Variants in KCNMA1 observed in about 807,000 individuals in gnomAD.
KCNMA1 encodes the protein potassium calcium-activated channel subfamily M alpha 1.
Under a neutral mutation model 140.0 loss-of-function variants are expected in KCNMA1, and 29 were observed. That is an observed-to-expected ratio of 0.21 (90% CI 0.15 to 0.28). The LOEUF (loss-of-function observed/expected upper bound fraction) is 0.28. Among genes scored for constraint, KCNMA1 ranks in the 10% least tolerant of loss-of-function variants. KCNMA1 has a pLI of 1.00. For synonymous variants in KCNMA1, 612 were observed against 611.9 expected, an observed-to-expected ratio of 1.00 and a Z score of 0.00; for missense variants, 880 against 1,602.2, an observed-to-expected ratio of 0.55 and a Z score of 7.70.
chr10:77,317,670 C>T (rs1396232917), intron 2 of KCNMA1, among the ~76,000 whole-genome samples: 1 of 152,260 alleles, frequency 6.6e-6, no homozygotes, highest in African/African-American at 2.4e-5. Context: ...ACTGCACTGG[C>T]TTTCTGCTAA....
At chr10:77,636,749 T>C in intron 1 of KCNMA1, 4 of 1,483,320 alleles carry the variant, frequency 2.7e-6, no homozygotes, top group Non-Finnish European at 3.6e-6. Context: ...AAAATTATTC[T>C]CTCCCTTGCC....
intron 1 of KCNMA1, among the ~76,000 whole-genome samples, chr10:77,431,736 G>A (rs1019432783): frequency 1.4e-4 from 19 of 136,818 alleles, no homozygotes; most frequent in African/African-American, 4.3e-4. Context: ...GGTGGCTCAC[G>A]CCTGTAATCC....
At chr10:77,334,041 A>G (rs2087774056) in intron 2 of KCNMA1, among the ~76,000 whole-genome samples, 2 of 152,190 alleles carry the variant, frequency 1.3e-5, no homozygotes, top group Admixed American at 1.3e-4. Context: ...CACCTTCTTC[A>G]CATGCCCCCT....
At chr10:76,966,812 A>G (rs2074123341) in intron 20 of KCNMA1, among the ~76,000 whole-genome samples, 1 of 152,294 alleles carries the variant, frequency 6.6e-6, no homozygotes, top group African/African-American at 2.4e-5. Flanking sequence ...AAATTTATCC[A>G]TCATTACACG....
rs769508427 is a variant in KCNMA1, at chr10:77,001,517, C to T, written c.2156G>A (p.Arg719His). The stretch of plus-strand genomic sequence containing the variant: ...ACGGCCTGACATGCATGAGCAGTCA[C>T]GCTCAGAACGTCCGCAATCAAAACA... Reference protein sequence around the residue: ...ACCFDCGRSERDCSCMSGRVR... With the variant: ...ACCFDCGRSEHDCSCMSGRVR... Residue 719 changes from arginine (R) to histidine (H), a missense_variant, in exon 19 of 28, where the codon CGT becomes CAT. Transcript: ENST00000286628. 62 of 1,551,800 alleles carry T rather than the reference C, an allele frequency of 4.0e-5. No individual in the cohort carries two copies. In the African/African-American group the frequency reaches 7.5e-4, roughly 19 times the overall value.
intron 1 of KCNMA1, among the ~76,000 whole-genome samples, chr10:77,455,502 C>T (rs997606586): frequency 2.6e-5 from 4 of 152,118 alleles, no homozygotes; most frequent in African/African-American, 7.2e-5. Context: ...TTTCCTTCTC[C>T]GAGTCCACTC....
intron 1 of KCNMA1, among the ~76,000 whole-genome samples, chr10:77,572,862 G>A (rs974134570): frequency 1.3e-5 from 2 of 151,384 alleles, no homozygotes; most frequent in Non-Finnish European, 2.9e-5. Flanking sequence ...AATTCCAATT[G>A]TTTCGGGTTT....
At chr10:77,515,586 A>G (rs1158337537) in intron 1 of KCNMA1, among the ~76,000 whole-genome samples, 2 of 152,128 alleles carry the variant, frequency 1.3e-5, no homozygotes, top group Non-Finnish European at 2.9e-5. Context: ...ACCAACTGAT[A>G]AGCCAGGAAG....
chr10:77,160,432 T>A (rs2098542510), intron 5 of KCNMA1, among the ~76,000 whole-genome samples: 1 of 152,218 alleles, frequency 6.6e-6, no homozygotes, highest in South Asian at 2.1e-4. Context: ...CTGCCTACTT[T>A]TAACTTATAG....
At chr10:76,882,646 A>G (rs919667358), downstream of KCNMA1, among the ~76,000 whole-genome samples, 11 of 152,154 alleles carry the variant, frequency 7.2e-5, no homozygotes, top group African/African-American at 2.7e-4. Context: ...GTCTCTTTTA[A>G]CTGAAAGTCT....
At chr10:77,361,375 T>G (rs1020806427) in intron 2 of KCNMA1, among the ~76,000 whole-genome samples, 4 of 152,204 alleles carry the variant, frequency 2.6e-5, no homozygotes, top group African/African-American at 9.6e-5. Flanking sequence ...AGAACAAGAC[T>G]AGAGGAGGCC....
In KCNMA1 at chr10:76,897,915, T is replaced by C. The variant is rs115082826; in HGVS notation, c.3148-6196A>G. On this transcript the variant is annotated intron_variant, in intron 25 of 27. Coordinates refer to ENST00000286628, the MANE Select transcript of KCNMA1 (RefSeq NM_001161352.2). ...AGAACTACTAAATTTTTCTAGACAA[T>C]AATACTTAGAAAATACATCTATAGA... Among the ~76,000 whole-genome samples the C allele has an allele frequency of 3.7e-3, 561 of 152,052 alleles. 2 individuals are homozygous for C. The highest frequency in any genetic ancestry group is 0.013 in the African/African-American group (543 of 41,560).
At position 77,216,790 on chromosome 10, in the gene KCNMA1, T is replaced by C. The variant is rs77369392; in HGVS notation, c.603-31874A>G. On this transcript the variant is annotated intron_variant, in intron 3 of 27. Coordinates refer to ENST00000286628, the MANE Select transcript of KCNMA1 (RefSeq NM_001161352.2). ...ATAAGCTGGATATTGGCTTTATATATGGTTTTGACTCTGTGCACATCATTC... is the reference window on the plus strand; with the variant it reads ...ATAAGCTGGATATTGGCTTTATATACGGTTTTGACTCTGTGCACATCATTC... Among the ~76,000 whole-genome samples, 704 of 152,294 alleles carry C rather than the reference T, an allele frequency of 4.6e-3. 28 individuals are homozygous for C. In the East Asian group the frequency reaches 0.089, roughly 19 times the overall value.
At chr10:77,039,883 CTTTTTTTTTTT>C (rs34943268) in intron 14 of KCNMA1, among the ~76,000 whole-genome samples, 3 of 78,954 alleles carry the variant, frequency 3.8e-5, no homozygotes, top group East Asian at 8.6e-4. Flanking sequence ...TTTTCTTTTT[CTTTTTTTTTTT>C]TTTTTTTTTT....
chr10:76,942,710 C>T (rs1282413085), intron 23 of KCNMA1, among the ~76,000 whole-genome samples: 1 of 152,188 alleles, frequency 6.6e-6, no homozygotes, highest in Non-Finnish European at 1.5e-5. Flanking sequence ...ACATTCTAAT[C>T]TGTGGCCCTG....
chr10:77,333,271 C>T (rs1181407375), intron 2 of KCNMA1, among the ~76,000 whole-genome samples: 1 of 151,108 alleles, frequency 6.6e-6, no homozygotes, highest in Non-Finnish European at 1.5e-5. Context: ...TGGCACATGC[C>T]TGTAAGTCCA....
intron 1 of KCNMA1, among the ~76,000 whole-genome samples, chr10:77,408,992 G>A (rs889938320): frequency 6.6e-6 from 1 of 152,210 alleles, no homozygotes; most frequent in African/African-American, 2.4e-5. Flanking sequence ...ACACCAGAGA[G>A]AAGAGTGGCC....
intron 2 of KCNMA1, among the ~76,000 whole-genome samples, chr10:77,256,351 C>A (rs550318171): frequency 6.6e-6 from 1 of 152,252 alleles, no homozygotes; most frequent in Non-Finnish European, 1.5e-5. Context: ...ACCTGAGGAG[C>A]TTTCCTTCCA....
chr10:77,194,215 C>T (rs1204863610), intron 3 of KCNMA1, among the ~76,000 whole-genome samples: 4 of 152,152 alleles, frequency 2.6e-5, no homozygotes, highest in African/African-American at 7.2e-5. Flanking sequence ...AAAAGAAGAG[C>T]TCTCTATTTG....
Sources: allele counts gnomAD v4.1 joint callset (sites outside exome capture counted in the v4.1 genomes callset), GRCh38; gene constraint gnomAD v4.1.1; transcripts MANE v1.5; gene names NCBI Gene and HGNC (gene_info 2026-07-23, HGNC 2026-07-21).